Variants in TRIM43 observed in about 807,000 individuals in gnomAD.
TRIM43 encodes the protein tripartite motif-containing protein 43.
Under a neutral mutation model 27.7 loss-of-function variants are expected in TRIM43, and 12 were observed. That is an observed-to-expected ratio of 0.43 (90% CI 0.28 to 0.70). The LOEUF (loss-of-function observed/expected upper bound fraction) is 0.70, where lower values mean the gene tolerates loss of function less well. Ranked by LOEUF, TRIM43 falls within the 30% of genes least tolerant of loss-of-function variation. The pLI is 0.17. For missense variants in TRIM43, 186 were observed against 356.5 expected (o/e 0.52, Z 3.85); for synonymous variants, 64 against 121.9 (o/e 0.52, Z 3.13).
chr2:95,592,898 T>A (rs1322948532), intron 1 of TRIM43, among the ~76,000 whole-genome samples: 1 of 144,540 alleles, frequency 6.9e-6, no homozygotes, highest in Non-Finnish European at 1.6e-5. Flanking sequence ...TAGTTTTTGT[T>A]TTTTTTTTTT....
At position 95,595,293 on chromosome 2, in the gene TRIM43, C is replaced by T. The variant is rs571523017; in HGVS notation, c.507+148C>T. ...AAAACAACCAGACTGTTCAACATAACGATTGTTCAGGTTTTCTGTAAATGC... is the reference window on the plus strand; with the variant it reads ...AAAACAACCAGACTGTTCAACATAATGATTGTTCAGGTTTTCTGTAAATGC... On this transcript the variant is annotated intron_variant, in intron 3 of 6. Coordinates refer to ENST00000272395, the MANE Select transcript of TRIM43 (RefSeq NM_138800.3). 375 of 547,668 alleles carry T rather than the reference C, an allele frequency of 6.8e-4. 5 individuals are homozygous for T. The highest frequency in any genetic ancestry group is 6.4e-3 in the African/African-American group (328 of 51,492). 33.9% of individuals were successfully genotyped at this position (547,668 alleles called of 1,614,324 possible). A position where few individuals can be genotyped will look rare whatever the true frequency, so the allele number is the denominator to read the frequency against.
rs781696284 is a variant in TRIM43 at position 95,594,039 on chromosome 2, T to C, written c.16T>C (p.Ser6Pro). MDSDF[S>P]HAFQKELTCV... ...CCTTAGGAAAATGGACTCAGACTTCTCACATGCCTTCCAGAAGGAACTCAC... is the reference window on the plus strand; with the variant it reads ...CCTTAGGAAAATGGACTCAGACTTCCCACATGCCTTCCAGAAGGAACTCAC... The change falls in exon 2 of 7, where the codon TCA (serine) becomes CCA (proline). Residue 6 changes from serine (S) to proline (P), a missense_variant. Transcript: ENST00000272395. 11 of 1,612,916 alleles carry C rather than the reference T, an allele frequency of 6.8e-6. No homozygotes were observed. The Admixed American group carries it at 1.2e-4, about 17-fold the overall frequency.
intron 3 of TRIM43, among the ~76,000 whole-genome samples, chr2:95,595,460 T>A (rs1685339248): frequency 6.6e-6 from 1 of 151,600 alleles, no homozygotes; most frequent in Non-Finnish European, 1.5e-5. Context: ...AATAAAGGCA[T>A]TTATTGGTGA....
chr2:95,594,446 C>T lies in TRIM43; in HGVS notation c.411+12C>T. On this transcript the variant is annotated intron_variant, in intron 2 of 6. Coordinates refer to ENST00000272395, the MANE Select transcript of TRIM43 (RefSeq NM_138800.3). ...CTGAGGAACACCGGGTAAGAGATAG[C>T]TCTGTGATCACCTGAAAGCTGGAGG... The T allele has an allele frequency of 6.2e-7, 1 of 1,608,996 alleles. No individual in the cohort carries two copies. Among genetic ancestry groups the T allele is most frequent in the Non-Finnish European group, 8.5e-7 (1 of 1,178,936 alleles).
rs370387271 is a variant in TRIM43 at position 95,595,022 on chromosome 2, G to A, written c.412-28G>A. Reference sequence around the variant, plus strand: ...TGGAATCTTTGGCATTTGACTTTCTGTTGTTCAACCTTGTAATTCTTTTGC... The same window carrying A: ...TGGAATCTTTGGCATTTGACTTTCTATTGTTCAACCTTGTAATTCTTTTGC... On this transcript the variant is annotated intron_variant, in intron 2 of 6. Transcript: ENST00000272395. The A allele has an allele frequency of 1.0e-4, 160 of 1,599,070 alleles. 2 individuals carry two copies. The highest frequency in any genetic ancestry group is 1.4e-4 in the Non-Finnish European group (159 of 1,170,034).
chr2:95,592,287 C>T (rs1685261268), intron 1 of TRIM43, 138 bp downstream of exon 1: 1 of 151,704 alleles, frequency 6.6e-6, no homozygotes, highest in South Asian at 2.1e-4. Flanking sequence ...AAAAACGGCT[C>T]CATTTCTTTT....
intron 3 of TRIM43, among the ~76,000 whole-genome samples, chr2:95,595,792 T>A (rs1377329070): frequency 6.6e-6 from 1 of 151,278 alleles, no homozygotes; most frequent in African/African-American, 2.4e-5. Flanking sequence ...GGGGTTAAAT[T>A]TTTTACTAAG....
intron 4 of TRIM43, 141 bp downstream of exon 4, chr2:95,596,573 T>C (rs1685358435): frequency 6.9e-6 from 8 of 1,155,192 alleles, no homozygotes; most frequent in Non-Finnish European, 9.6e-6. Context: ...AGAGATAAAC[T>C]ATAACTCCTA....
At chr2:95,596,125 G>T (rs1685351299) in intron 3 of TRIM43, 77 bp from the exon 4 acceptor site, 3 of 1,555,818 alleles carry the variant, frequency 1.9e-6, no homozygotes, top group Admixed American at 1.8e-5. Flanking sequence ...AAGAAGGAAT[G>T]AGGAGGATGA....
chr2:95,594,849 C>CA (rs1685324832), intron 2 of TRIM43, among the ~76,000 whole-genome samples: 1 of 151,660 alleles, frequency 6.6e-6, no homozygotes, highest in Non-Finnish European at 1.5e-5. Context: ...AGGAAATCTT[C>CA]ACTCTTCAGT....
In TRIM43 at chr2:95,596,511, C is replaced by A. The variant is rs961923767; in HGVS notation, c.738+79C>A. On this transcript the variant is annotated intron_variant, in intron 4 of 6. Transcript: ENST00000272395. ...TTTGCCTTCCATTGGGTACCAAAGACATTATTTCCTCATCTCCTGTACTGA... is the reference window on the plus strand; with the variant it reads ...TTTGCCTTCCATTGGGTACCAAAGAAATTATTTCCTCATCTCCTGTACTGA... 4 of 1,483,336 alleles carry A rather than the reference C, an allele frequency of 2.7e-6. No homozygotes were observed. The African/African-American group carries it at 5.7e-5, about 21-fold the overall frequency. The allele number at this position is 1,483,336 out of a possible 1,614,324, so 91.9% of individuals were successfully genotyped here.
chr2:95,594,498 A>G, intron 2 of TRIM43, 64 bp downstream of exon 2: 1 of 1,584,268 alleles, frequency 6.3e-7, no homozygotes, highest in East Asian at 2.2e-5. Context: ...TATTAGAAGG[A>G]TGATGAGAAT....
intron 3 of TRIM43, among the ~76,000 whole-genome samples, 165 bp from the exon 4 acceptor site, chr2:95,596,037 G>A (rs1009144198): frequency 2.0e-5 from 3 of 151,194 alleles, no homozygotes; most frequent in Non-Finnish European, 4.4e-5. Context: ...GCAGGTGTTT[G>A]GGAATTGATG....
rs749832986 is a variant in TRIM43 at position 95,595,056 on chromosome 2, C to T, written c.418C>T (p.Leu140Phe). 1.7e-5 allele frequency: 27 copies of T among 1,608,864 alleles called. No homozygotes were observed. The highest frequency in any genetic ancestry group is 2.7e-5 in the African/African-American group (2 of 74,532). ...EEAAEEHREK[L>F]LKQMRILWKK... The stretch of plus-strand genomic sequence containing the variant: ...CCTTGTAATTCTTTTGCAGGAGAAA[C>T]TCTTAAAGCAAATGAGGATTTTATG... The change falls in exon 3 of 7, where the codon CTC becomes TTC. Residue 140 changes from leucine (L) to phenylalanine (F), a missense_variant. Leu to Phe is a conservative substitution (Grantham distance 22). Transcript: ENST00000272395.
intron 1 of TRIM43, among the ~76,000 whole-genome samples, chr2:95,593,436 A>T (rs143274998): frequency 0.038 from 5,793 of 151,896 alleles, 217 homozygotes; most frequent in Non-Finnish European, 0.054. Flanking sequence ...AATGATTCTT[A>T]GCTTTACCTT....
rs901151458 is a variant in TRIM43 at position 95,592,098 on chromosome 2, A to G, written c.-56A>G. 8 of 151,734 alleles carry G rather than the reference A, an allele frequency of 5.3e-5. No homozygotes were observed. Among genetic ancestry groups the G allele is most frequent in the Non-Finnish European group, 1.2e-4 (8 of 67,958 alleles). 9.4% of individuals were successfully genotyped at this position (151,734 alleles called of 1,614,324 possible). A position where few individuals can be genotyped will look rare whatever the true frequency, so the allele number is the denominator to read the frequency against. On this transcript the variant is annotated 5_prime_UTR_variant, in exon 1 of 7. Transcript: ENST00000272395. ...TGTGAGACTCTCATCCCTGAGCTGAATTCATCTGATTCGACGGCAAGCTTT... is the reference window on the plus strand; with the variant it reads ...TGTGAGACTCTCATCCCTGAGCTGAGTTCATCTGATTCGACGGCAAGCTTT...
rs751016541 is a variant in TRIM43 at position 95,594,338 on chromosome 2, C to T, written c.315C>T (p.Asp105=). 3.7e-6 allele frequency: 6 copies of T among 1,610,446 alleles called. 1 individual carries two copies. In the South Asian group the frequency reaches 6.6e-5, roughly 18 times the overall value. ...THRQTKKMFC[D]MDKSLLCLLC... is the part of the protein sequence containing the mutation. ...GGCAAACAAAGAAGATGTTCTGTGA[C>T]ATGGACAAGAGTCTCCTCTGCTTGC... The change falls in exon 2 of 7, where the codon GAC becomes GAT. Residue 105 remains aspartate, a synonymous_variant. Transcript: ENST00000272395.
rs769081480 is a variant in TRIM43 at position 95,596,164 on chromosome 2, G to C, written c.508-38G>C. 1.1e-5 allele frequency: 18 copies of C among 1,602,608 alleles called. No individual in the cohort carries two copies. In the East Asian group the frequency reaches 2.3e-4, roughly 20 times the overall value. Reference sequence around the variant, plus strand: ...TGTAGGCTCTGTGAGGTGGAAGTAGGCCTGGGTATATAACCTACAAAATTC... The same window carrying C: ...TGTAGGCTCTGTGAGGTGGAAGTAGCCCTGGGTATATAACCTACAAAATTC... On this transcript the variant is annotated intron_variant, in intron 3 of 6. Transcript: ENST00000272395.
intron 2 of TRIM43, 84 bp downstream of exon 2, chr2:95,594,518 T>G (rs1406114966): frequency 6.5e-7 from 1 of 1,547,406 alleles, no homozygotes. Context: ...TCATGGTGAT[T>G]ACTCCATTCT....
Sources: allele counts gnomAD v4.1 joint callset (sites outside exome capture counted in the v4.1 genomes callset), GRCh38; gene constraint gnomAD v4.1.1; transcripts MANE v1.5; gene names NCBI Gene and HGNC (gene_info 2026-07-23, HGNC 2026-07-21).